The following SLC4A8 variants were observed in gnomAD, a reference collection of about 807,000 sequenced individuals.
SLC4A8 encodes electroneutral sodium bicarbonate exchanger 1.
In SLC4A8, 40 loss-of-function variants were observed where a neutral mutation model predicts 125.0. The observed-to-expected ratio is 0.32, with a 90% CI of 0.25 to 0.42. SLC4A8 has a LOEUF of 0.42. Among genes scored for constraint, SLC4A8 ranks in the 10% least tolerant of loss-of-function variants. SLC4A8 has a pLI of 1.00. For missense variants in SLC4A8, 863 were observed against 1,355.1 expected, an observed-to-expected ratio of 0.64 and a Z score of 5.70; for synonymous variants, 456 against 476.0, an observed-to-expected ratio of 0.96 and a Z score of 0.55.
intron 19 of SLC4A8, among the ~76,000 whole-genome samples, chr12:51,490,805 A>G (rs941266649): frequency 5.9e-5 from 9 of 152,122 alleles, no homozygotes; most frequent in Non-Finnish European, 7.4e-5. Flanking sequence ...TGGGCAAGGT[A>G]ACCTTTGAAG....
At chr12:51,396,403 G>A (rs1346385920) in intron 1 of SLC4A8, among the ~76,000 whole-genome samples, 1 of 152,176 alleles carries the variant, frequency 6.6e-6, no homozygotes. Flanking sequence ...CTAGGGTAAG[G>A]CAAGTGAGGG....
chr12:51,444,726 G>A (rs1191348969), intron 2 of SLC4A8, among the ~76,000 whole-genome samples: 6 of 152,140 alleles, frequency 3.9e-5, no homozygotes, highest in African/African-American at 1.4e-4. Flanking sequence ...CATAGGACTC[G>A]AACATTAGAA....
intron 1 of SLC4A8, among the ~76,000 whole-genome samples, chr12:51,392,300 G>A (rs894460799): frequency 1.3e-5 from 2 of 152,188 alleles, no homozygotes; most frequent in African/African-American, 4.8e-5. Flanking sequence ...TTGGCCGGGC[G>A]CGGTGGTTCA....
chr12:51,420,090 C>T (rs573176010), upstream of SLC4A8: 1 of 152,228 alleles, frequency 6.6e-6, no homozygotes, highest in Non-Finnish European at 1.5e-5. Context: ...CTCTCACTCC[C>T]CCTCTCGCCC....
intron 11 of SLC4A8, among the ~76,000 whole-genome samples, chr12:51,468,649 A>G (rs868743326): frequency 2.0e-5 from 3 of 152,120 alleles, no homozygotes; most frequent in Non-Finnish European, 4.4e-5. Flanking sequence ...AGTCCCAGCT[A>G]CTCGGGAGGC....
intron 14 of SLC4A8, among the ~76,000 whole-genome samples, chr12:51,473,979 A>T (rs1340838742): frequency 6.6e-6 from 1 of 152,220 alleles, no homozygotes; most frequent in Non-Finnish European, 1.5e-5. Context: ...TGCTATGTAG[A>T]CTAAATTTCA....
At chr12:51,417,238 C>T (rs545908152) in intron 1 of SLC4A8, among the ~76,000 whole-genome samples, 152 of 152,314 alleles carry the variant, frequency 1.0e-3, no homozygotes, top group African/African-American at 3.4e-3. Context: ...TGCAGTGGCA[C>T]GATCACAGCT....
At chr12:51,469,837 T>C in intron 12 of SLC4A8, 49 bp downstream of exon 12, 1 of 1,582,494 alleles carries the variant, frequency 6.3e-7, no homozygotes. Flanking sequence ...ACCTAAAATA[T>C]TGTGGCGGCA....
intron 19 of SLC4A8, among the ~76,000 whole-genome samples, chr12:51,492,179 T>C (rs1022195447): frequency 2.0e-5 from 3 of 152,168 alleles, no homozygotes; most frequent in African/African-American, 7.2e-5. Flanking sequence ...ATCTGGGAGA[T>C]TGGGGTGAGA....
chr12:51,488,664 C>T, intron 17 of SLC4A8, 35 bp from the exon 18 acceptor site: 1 of 1,563,526 alleles, frequency 6.4e-7, no homozygotes, highest in Non-Finnish European at 8.8e-7. Context: ...ATGACTATAA[C>T]TTAAAATACA....
At chr12:51,426,925 C>CT (rs946525080) in intron 1 of SLC4A8, among the ~76,000 whole-genome samples, 22 of 142,526 alleles carry the variant, frequency 1.5e-4, no homozygotes, top group Middle Eastern at 3.7e-3. Flanking sequence ...AACAGATTTT[C>CT]TTTTTTTTTT....
chr12:51,506,714 G>T (rs1295073009), intron 24 of SLC4A8, among the ~76,000 whole-genome samples: 2 of 152,204 alleles, frequency 1.3e-5, no homozygotes, highest in Non-Finnish European at 2.9e-5. Flanking sequence ...GATTACAGGC[G>T]TGGGCCACTG....
chr12:51,499,624 T>TACACACACAC (rs143239328), intron 22 of SLC4A8, among the ~76,000 whole-genome samples: 5,956 of 143,256 alleles, frequency 0.042, 167 homozygotes, highest in East Asian at 0.087. Flanking sequence ...GCTATAATTC[T>TACACACACAC]ACACACACAC....
At chr12:51,474,587 A>C (rs1950806958) in intron 15 of SLC4A8, 140 bp downstream of exon 15, 1 of 1,403,108 alleles carries the variant, frequency 7.1e-7, no homozygotes, top group African/African-American at 1.4e-5. Context: ...ATTCTTACTC[A>C]CTTTCTTTTA....
At chr12:51,460,411 G>A (rs982733751) in intron 8 of SLC4A8, among the ~76,000 whole-genome samples, 1 of 151,888 alleles carries the variant, frequency 6.6e-6, no homozygotes, top group East Asian at 1.9e-4. Context: ...AAAAAAATCA[G>A]CAGTAATCTC....
chr12:51,460,040 T>G lies in SLC4A8; in HGVS notation c.945T>G (p.Ile315Met), dbSNP rs372933382. ...AGGTGGATATTTTGGACCGTCCCATTGTTGCCTTTGTGAGGCTGTCTCCAG... is the reference window on the plus strand; with the variant it reads ...AGGTGGATATTTTGGACCGTCCCATGGTTGCCTTTGTGAGGCTGTCTCCAG... ...VGEVDILDRPIVAFVRLSPAV... is the reference protein window; with the variant it reads ...VGEVDILDRPMVAFVRLSPAV... Residue 315 changes from isoleucine to methionine, a missense_variant, in exon 8 of 25, where the codon ATT becomes ATG. By Grantham distance (10) the Ile-to-Met change is conservative. This residue lies in a region of SLC4A8 where 390 missense variants were observed against 634.4 expected (regional missense o/e 0.61). Coordinates refer to ENST00000453097, the MANE Select transcript of SLC4A8 (RefSeq NM_001039960.3). The G allele has an allele frequency of 2.3e-5, 37 of 1,613,712 alleles. No individual in the cohort carries two copies. Among genetic ancestry groups the G allele is most frequent in the Non-Finnish European group, 3.0e-5 (35 of 1,179,710 alleles).
intron 22 of SLC4A8, among the ~76,000 whole-genome samples, chr12:51,500,861 TTTC>T (rs1481488969): frequency 2.4e-4 from 36 of 150,770 alleles, no homozygotes; most frequent in South Asian, 4.2e-4. Flanking sequence ...TTTTTTTTTT[TTTC>T]TTTCTTTCTT....
Position 51,511,961 on chromosome 12 carries a change from T to C in SLC4A8, c.*4523T>C, listed in dbSNP as rs1269698728. 3 of 152,230 alleles carry C rather than the reference T, an allele frequency of 2.0e-5. No homozygotes were observed. The highest frequency in any genetic ancestry group is 2.0e-4 in the Admixed American group (3 of 15,278). The allele number at this position is 152,230 out of a possible 1,614,324, so 9.4% of individuals were successfully genotyped here. A position where few individuals can be genotyped will look rare whatever the true frequency, so the allele number is the denominator to read the frequency against. The stretch of plus-strand genomic sequence containing the variant: ...TTCAACAGCCCTTGCATAGGTGTTA[T>C]CTCTCAAATCTCTGTAAAGAGCACT... On this transcript the variant is annotated 3_prime_UTR_variant, in exon 25 of 25. Transcript: ENST00000453097.
intron 1 of SLC4A8, among the ~76,000 whole-genome samples, chr12:51,404,626 T>C (rs749591204): frequency 1.4e-4 from 21 of 152,304 alleles, no homozygotes; most frequent in Middle Eastern, 3.4e-3. Context: ...GGGTGGCTAG[T>C]GATCATCTTT....
Sources: gnomAD v4.1 joint callset for allele counts (sites outside exome capture counted in the v4.1 genomes callset) on GRCh38, gnomAD v4.1.1 for gene constraint, gnomAD v4.1.1 regional missense constraint, MANE v1.5 for transcripts, NCBI Gene and HGNC (gene_info 2026-07-23, HGNC 2026-07-21) for gene names.